Variants in SPATS2 observed in about 807,000 individuals in gnomAD.
SPATS2 encodes the protein spermatogenesis associated serine rich 2.
In SPATS2, 38 loss-of-function variants were observed where a neutral mutation model predicts 63.7. The observed-to-expected ratio is 0.60, with a 90% CI of 0.46 to 0.78. SPATS2 has a LOEUF of 0.78. Among genes scored for constraint, SPATS2 ranks in the 30% least tolerant of loss-of-function variants. SPATS2 has a pLI of 0.00. For synonymous variants in SPATS2, 207 were observed against 232.9 expected, an observed-to-expected ratio of 0.89 and a Z score of 1.01; for missense variants, 588 against 666.2, an observed-to-expected ratio of 0.88 and a Z score of 1.29.
chr12:49,527,390 G>A lies in SPATS2; in HGVS notation c.*1135G>A, dbSNP rs1487593153. ...CAAAAAAATTGCTGCAGTCTTTACA[G>A]TTGAATAAATAAAAACAACTGCATA... On this transcript the variant is annotated 3_prime_UTR_variant, in exon 14 of 14. Coordinates refer to ENST00000552918, the MANE Select transcript of SPATS2 (RefSeq NM_023071.4). 1 of 151,866 alleles carries A rather than the reference G, an allele frequency of 6.6e-6. No homozygotes were observed. The highest frequency in any genetic ancestry group is 1.5e-5 in the Non-Finnish European group (1 of 68,002). 9.4% of individuals were successfully genotyped at this position (151,866 alleles called of 1,614,324 possible).
chr12:49,447,626 T>G lies in SPATS2; in HGVS notation c.-243-13144T>G, dbSNP rs570165272. Among the ~76,000 whole-genome samples the G allele has an allele frequency of 6.6e-5, 10 of 152,304 alleles. No homozygotes were observed. In the South Asian group the frequency reaches 1.4e-3, roughly 22 times the overall value. ...AGACACAATCTGGCCTTGTGCTTTTTTGTGTGTGTGTGGGAAGGATTTTAG... is the reference window on the plus strand; with the variant it reads ...AGACACAATCTGGCCTTGTGCTTTTGTGTGTGTGTGTGGGAAGGATTTTAG... On this transcript the variant is annotated intron_variant, in intron 2 of 13. Coordinates refer to ENST00000552918, the MANE Select transcript of SPATS2 (RefSeq NM_023071.4).
At chr12:49,442,967 T>C (rs890412747) in intron 2 of SPATS2, among the ~76,000 whole-genome samples, 3 of 152,174 alleles carry the variant, frequency 2.0e-5, no homozygotes, top group African/African-American at 7.2e-5. Flanking sequence ...TGAATTTGAC[T>C]AGCTTAGGTA....
chr12:49,429,110 C>G (rs1945134783), intron 2 of SPATS2, among the ~76,000 whole-genome samples: 1 of 152,162 alleles, frequency 6.6e-6, no homozygotes, highest in South Asian at 2.1e-4. Flanking sequence ...ACAGCTGCTG[C>G]TGATGACTAA....
chr12:49,376,750 C>T (rs1389054652), intron 2 of SPATS2, among the ~76,000 whole-genome samples: 1 of 117,300 alleles, frequency 8.5e-6, no homozygotes, highest in East Asian at 2.8e-4. Flanking sequence ...CGGAGTCTCA[C>T]TCTGTCGCCC....
At chr12:49,481,570 C>T (rs1266430811) in intron 3 of SPATS2, among the ~76,000 whole-genome samples, 2 of 146,926 alleles carry the variant, frequency 1.4e-5, no homozygotes, top group African/African-American at 5.1e-5. Context: ...CGGGTTCAAG[C>T]AATTCTCCTG....
chr12:49,420,038 T>C (rs1944952878), intron 2 of SPATS2, among the ~76,000 whole-genome samples: 2 of 152,196 alleles, frequency 1.3e-5, no homozygotes, highest in Non-Finnish European at 2.9e-5. Context: ...AATTCTTTTG[T>C]GAGTTGTGGG....
intron 3 of SPATS2, among the ~76,000 whole-genome samples, chr12:49,467,353 C>T (rs577889726): frequency 3.3e-5 from 5 of 152,068 alleles, no homozygotes; most frequent in East Asian, 1.9e-4. Context: ...TGAGCCACTG[C>T]GCCTGTCCCA....
intron 7 of SPATS2, among the ~76,000 whole-genome samples, chr12:49,495,700 T>C (rs1946453981): frequency 6.6e-6 from 1 of 152,170 alleles, no homozygotes; most frequent in South Asian, 2.1e-4. Flanking sequence ...CCGGCATAAA[T>C]GGGTTAATAG....
chr12:49,446,780 A>G (rs1396976310), intron 2 of SPATS2, among the ~76,000 whole-genome samples: 1 of 152,244 alleles, frequency 6.6e-6, no homozygotes, highest in African/African-American at 2.4e-5. Flanking sequence ...GACATTAATT[A>G]CATCTGCAAA....
intron 9 of SPATS2, among the ~76,000 whole-genome samples, chr12:49,509,686 G>A (rs573546285): frequency 6.6e-5 from 10 of 151,836 alleles, no homozygotes; most frequent in African/African-American, 2.4e-4. Flanking sequence ...CATGAGTGGT[G>A]CACACCTGTA....
chr12:49,450,823 C>A (rs1221049716), intron 2 of SPATS2, among the ~76,000 whole-genome samples: 3 of 150,182 alleles, frequency 2.0e-5, no homozygotes, highest in Admixed American at 6.6e-5. Context: ...GAATTACAGG[C>A]GCAAGCTACT....
chr12:49,476,978 G>C (rs1005387904), intron 3 of SPATS2, among the ~76,000 whole-genome samples: 1 of 152,062 alleles, frequency 6.6e-6, no homozygotes, highest in Non-Finnish European at 1.5e-5. Flanking sequence ...GGTGGCACAT[G>C]CCTATAATCC....
At chr12:49,505,163 T>A (rs1565755403) in intron 9 of SPATS2, among the ~76,000 whole-genome samples, 1 of 152,110 alleles carries the variant, frequency 6.6e-6, no homozygotes, top group African/African-American at 2.4e-5. Context: ...AACTTAGGAA[T>A]CATTTTATGA....
chr12:49,431,950 T>C (rs1945192963), intron 2 of SPATS2, among the ~76,000 whole-genome samples: 1 of 151,742 alleles, frequency 6.6e-6, no homozygotes, highest in Non-Finnish European at 1.5e-5. Context: ...ACCTGGGAGG[T>C]TGAGGGTACA....
At chr12:49,459,434 C>T (rs535191401) in intron 2 of SPATS2, among the ~76,000 whole-genome samples, 50 of 152,056 alleles carry the variant, frequency 3.3e-4, no homozygotes, top group Admixed American at 2.6e-3. Context: ...CGGCAACCTC[C>T]GCCTCCTGGA....
rs536570618 is a variant in SPATS2, at chr12:49,499,907, T to C, written c.704-163T>C. On this transcript the variant is annotated intron_variant, in intron 8 of 13. Transcript: ENST00000552918. Reference sequence around the variant, plus strand: ...CCATCTTGACCAGGATCCTTTTTTTTCCAAAAATCTATAAAAACATGTTTT... The same window carrying C: ...CCATCTTGACCAGGATCCTTTTTTTCCCAAAAATCTATAAAAACATGTTTT... 4.2e-4 allele frequency among the ~76,000 whole-genome samples: 64 copies of C among 152,290 alleles called. No homozygotes were observed. In the South Asian group the frequency reaches 9.8e-3, roughly 23 times the overall value.
intron 3 of SPATS2, among the ~76,000 whole-genome samples, chr12:49,483,999 C>T (rs2137831619): frequency 6.6e-6 from 1 of 152,274 alleles, no homozygotes; most frequent in Middle Eastern, 3.4e-3. Flanking sequence ...TTGCACATAG[C>T]CTTTTTCTTT....
Position 49,460,814 on chromosome 12 carries a change from C to A in SPATS2, c.-199C>A. 1 of 610,656 alleles carries A rather than the reference C, an allele frequency of 1.6e-6. No individual in the cohort carries two copies. Among genetic ancestry groups the A allele is most frequent in the Non-Finnish European group, 3.0e-6 (1 of 338,444 alleles). 37.8% of individuals were successfully genotyped at this position (610,656 alleles called of 1,614,324 possible). A position where few individuals can be genotyped will look rare whatever the true frequency, so the allele number is the denominator to read the frequency against. Reference sequence around the variant, plus strand: ...ACATGAATGTCTGCAATGATACTTCCTGACAAGAAGTTGATACAAGAAAAG... The same window carrying A: ...ACATGAATGTCTGCAATGATACTTCATGACAAGAAGTTGATACAAGAAAAG... On this transcript the variant is annotated 5_prime_UTR_variant, in exon 3 of 14. In the 5' UTR this introduces an upstream ATG that the reference lacks. Coordinates refer to ENST00000552918, the MANE Select transcript of SPATS2 (RefSeq NM_023071.4).
intron 3 of SPATS2, chr12:49,469,490 T>G (rs1241020692): frequency 5.3e-6 from 2 of 377,750 alleles, no homozygotes; most frequent in Non-Finnish European, 1.0e-5. Flanking sequence ...AGCCTGGGAG[T>G]TTGAGGCCAC....
Sources: gnomAD v4.1 joint callset for allele counts (sites outside exome capture counted in the v4.1 genomes callset) on GRCh38, gnomAD v4.1.1 for gene constraint, MANE v1.5 for transcripts, NCBI Gene and HGNC (gene_info 2026-07-23, HGNC 2026-07-21) for gene names.